The following BIN2 variants were observed in gnomAD, a reference collection of about 807,000 sequenced individuals.
BIN2 encodes breast cancer associated protein BRAP1.
BIN2 carries 43 observed loss-of-function variants against 67.9 expected under a neutral mutation model. The ratio of observed to expected loss-of-function variants is 0.63; its 90% confidence interval spans 0.50 to 0.82. The LOEUF (loss-of-function observed/expected upper bound fraction) is 0.82, where lower values mean the gene tolerates loss of function less well. Ranked by LOEUF, BIN2 falls within the 40% of genes least tolerant of loss-of-function variation. BIN2 has a pLI of 0.00. For synonymous variants in BIN2, 244 were observed against 246.8 expected (o/e 0.99, Z 0.11); for missense variants, 581 against 671.6 (o/e 0.87, Z 1.49).
At chr12:51,302,546 C>G (rs1352585728) in intron 4 of BIN2, 140 bp downstream of exon 4, 2 of 717,846 alleles carry the variant, frequency 2.8e-6, no homozygotes, top group Non-Finnish European at 4.8e-6. Context: ...TTCCTACCAC[C>G]CAGTGACTGA....
intron 9 of BIN2, among the ~76,000 whole-genome samples, chr12:51,294,764 T>A (rs1371388552): frequency 2.0e-5 from 3 of 152,090 alleles, no homozygotes; most frequent in Non-Finnish European, 4.4e-5. Flanking sequence ...AAATACTAAA[T>A]GTAACATAGC....
intron 10 of BIN2, among the ~76,000 whole-genome samples, chr12:51,290,602 G>A (rs1297771225): frequency 4.6e-5 from 7 of 150,612 alleles, no homozygotes; most frequent in Non-Finnish European, 7.4e-5. Flanking sequence ...CGAGGCAGGC[G>A]GATCACGAGG....
Position 51,295,849 on chromosome 12 carries a change from G to T in BIN2, c.708C>A (p.Ser236Arg), listed in dbSNP as rs1384561947. ...TATTGGAATGTTGCTTCTCCAGTTT[G>T]CTCATCACCTCGTAGAGATTGTGGT... Reference protein sequence around the residue: ...KLNHNLYEVMSKLEKQHSNKV... With the variant: ...KLNHNLYEVMRKLEKQHSNKV... Residue 236 changes from serine to arginine, a missense_variant, in exon 9 of 13, where the codon AGC becomes AGA. By Grantham distance (110) the Ser-to-Arg change is moderately radical. Coordinates refer to ENST00000615107, the MANE Select transcript of BIN2 (RefSeq NM_016293.4). The T allele has an allele frequency of 1.2e-6, 2 of 1,612,990 alleles. No homozygotes were observed. Among genetic ancestry groups the T allele is most frequent in the Non-Finnish European group, 8.5e-7 (1 of 1,179,518 alleles).
At chr12:51,318,164 G>T (rs1946180380) in intron 1 of BIN2, among the ~76,000 whole-genome samples, 1 of 152,150 alleles carries the variant, frequency 6.6e-6, no homozygotes, top group African/African-American at 2.4e-5. Context: ...AAGGGAGACT[G>T]GAGTTTCATT....
intron 2 of BIN2, among the ~76,000 whole-genome samples, chr12:51,309,207 C>G (rs996125339): frequency 2.0e-5 from 3 of 150,652 alleles, no homozygotes; most frequent in African/African-American, 7.3e-5. Flanking sequence ...ATTGCTTGAG[C>G]CTAGGAGTTT....
intron 2 of BIN2, among the ~76,000 whole-genome samples, chr12:51,310,719 G>A (rs1196815990): frequency 6.6e-6 from 1 of 152,140 alleles, no homozygotes; most frequent in Non-Finnish European, 1.5e-5. Context: ...CATTGTTGTA[G>A]TTTAGGAAGA....
chr12:51,298,113 C>T (rs975792354), intron 7 of BIN2, among the ~76,000 whole-genome samples: 71 of 152,218 alleles, frequency 4.7e-4, no homozygotes, highest in Middle Eastern at 3.4e-3. Context: ...GTGGCTCACG[C>T]GTGTAATCCC....
rs142121602 is a variant in BIN2, at chr12:51,299,237, C to T, written c.568G>A (p.Glu190Lys). 19,030 of 1,613,650 alleles carry T rather than the reference C, an allele frequency of 0.012. 233 individuals are homozygous for T. The highest frequency in any genetic ancestry group is 0.012 in the Non-Finnish European group (13,802 of 1,179,600). Reference protein sequence around the residue: ...AQTVFEDLNQELLEELPILYN... With the variant: ...AQTVFEDLNQKLLEELPILYN... ...AGAATAGGCAGCTCCTCTAGTAGTT[C>T]TTGGTTCAGATCTTCAAACACAGTC... The change falls in exon 7 of 13, where the codon GAA becomes AAA. Residue 190 changes from glutamate to lysine, a missense_variant. Transcript: ENST00000615107.
chr12:51,283,597 C>T (rs1945167717), intron 12 of BIN2, among the ~76,000 whole-genome samples: 2 of 152,172 alleles, frequency 1.3e-5, no homozygotes, highest in African/African-American at 4.8e-5. Flanking sequence ...ACTACAGGCA[C>T]ATGCCACAAC....
intron 9 of BIN2, among the ~76,000 whole-genome samples, chr12:51,294,437 T>TGG (rs1945477540): frequency 6.6e-6 from 1 of 151,862 alleles, no homozygotes; most frequent in African/African-American, 2.4e-5. Flanking sequence ...TGTGGTGGCA[T>TGG]GTGCCTGTAA....
chr12:51,317,261 G>A (rs1277901163), intron 1 of BIN2, among the ~76,000 whole-genome samples: 1 of 152,148 alleles, frequency 6.6e-6, no homozygotes, highest in Admixed American at 6.6e-5. Context: ...GGATTTCTCA[G>A]TATCCAGGAA....
intron 1 of BIN2, 113 bp downstream of exon 1, chr12:51,323,909 G>A (rs1301636380): frequency 7.5e-7 from 1 of 1,330,774 alleles, no homozygotes; most frequent in Non-Finnish European, 1.0e-6. Flanking sequence ...CTTCTCGTCA[G>A]CCCAGACCCT....
rs1946364771 is a variant in BIN2, at chr12:51,324,034, C to T, written c.69G>A (p.Arg23=). ...CCCGGCCACCTACCTTCTCCTGGGCCCTGCTAAACTTCTTCTGCACCTGCT... is the reference window on the plus strand; with the variant it reads ...CCCGGCCACCTACCTTCTCCTGGGCTCTGCTAAACTTCTTCTGCACCTGCT... ...FAKQVQKKFS[R]AQEKVLQKLG... is the part of the protein sequence containing the mutation. The change falls in exon 1 of 13, where the codon AGG becomes AGA. Residue 23 remains arginine (R), a synonymous_variant. Transcript: ENST00000615107. 1.2e-6 allele frequency: 2 copies of T among 1,613,474 alleles called. No homozygotes were observed. The highest frequency in any genetic ancestry group is 2.7e-5 in the African/African-American group (2 of 74,890).
At position 51,291,752 on chromosome 12, in the gene BIN2, A is replaced by G. The variant is rs200757590; in HGVS notation, c.1354T>C (p.Leu452=). The G allele has an allele frequency of 2.9e-4, 462 of 1,613,508 alleles. No individual in the cohort carries two copies. The highest frequency in any genetic ancestry group is 5.3e-4 in the Admixed American group (32 of 59,960). Reference sequence around the variant, plus strand: ...CTAGGACTTGCAGTCCCAGTCCCCAAGGAGGCCCTAGGGCTGGTGGGTGAA... The same window carrying G: ...CTAGGACTTGCAGTCCCAGTCCCCAGGGAGGCCCTAGGGCTGGTGGGTGAA... The part of the protein sequence containing the change: ...GGSPTSPRAS[L]GTGTASPRTS... The change falls in exon 10 of 13, where the codon TTG becomes CTG. Residue 452 remains leucine, a synonymous_variant. Coordinates refer to ENST00000615107, the MANE Select transcript of BIN2 (RefSeq NM_016293.4).
At chr12:51,291,380 A>G (rs1592253846) in intron 10 of BIN2, among the ~76,000 whole-genome samples, 1 of 152,058 alleles carries the variant, frequency 6.6e-6, no homozygotes, top group East Asian at 1.9e-4. Flanking sequence ...AGGCCAAGAC[A>G]GGAGGATCAC....
At chr12:51,308,653 A>G (rs1053329392) in intron 2 of BIN2, among the ~76,000 whole-genome samples, 5 of 151,976 alleles carry the variant, frequency 3.3e-5, no homozygotes, top group Admixed American at 2.6e-4. Flanking sequence ...GGGAAATACG[A>G]AGCTAGATTA....
At chr12:51,314,103 A>G (rs1269026879) in intron 1 of BIN2, among the ~76,000 whole-genome samples, 200 bp from the exon 2 acceptor site, 1 of 151,922 alleles carries the variant, frequency 6.6e-6, no homozygotes, top group Non-Finnish European at 1.5e-5. Flanking sequence ...GCTGGAGTGC[A>G]GTGGCACGAT....
chr12:51,314,855 T>G (rs1156502283), intron 1 of BIN2, among the ~76,000 whole-genome samples: 1 of 152,084 alleles, frequency 6.6e-6, no homozygotes, highest in Non-Finnish European at 1.5e-5. Context: ...TTGTTATTAT[T>G]GTCATTATTT....
chr12:51,284,263 C>T (rs1258367097), intron 12 of BIN2, among the ~76,000 whole-genome samples: 1 of 152,112 alleles, frequency 6.6e-6, no homozygotes, highest in Non-Finnish European at 1.5e-5. Context: ...TCACAGCTGC[C>T]TACAGAATTC....
Sources: gnomAD v4.1 joint callset for allele counts (sites outside exome capture counted in the v4.1 genomes callset) on GRCh38, gnomAD v4.1.1 for gene constraint, MANE v1.5 for transcripts, NCBI Gene and HGNC (gene_info 2026-07-23, HGNC 2026-07-21) for gene names.